Variants in ANO2 observed in about 807,000 individuals in gnomAD.
ANO2 encodes anoctamin 2, also known as anoctamin-2.
A neutral mutation model predicts 124.2 loss-of-function variants in ANO2; 101 were observed. The ratio of observed to expected loss-of-function variants is 0.81; its 90% CI spans 0.69 to 0.96. ANO2 has a LOEUF of 0.96. Ranked by LOEUF, ANO2 falls within the 40% of genes least tolerant of loss-of-function variation. The pLI is 0.00. For synonymous variants in ANO2, 486 were observed against 482.5 expected (o/e 1.01, Z -0.09); for missense variants, 1,293 against 1,274.5 (o/e 1.01, Z -0.22).
chr12:5,567,214 C>T (rs956653372), intron 23 of ANO2, among the ~76,000 whole-genome samples: 14 of 152,158 alleles, frequency 9.2e-5, no homozygotes, highest in Non-Finnish European at 1.5e-4. Flanking sequence ...GGTTTGACAT[C>T]CGGATGAAAA....
At chr12:5,785,347 T>C (rs917837490) in intron 10 of ANO2, among the ~76,000 whole-genome samples, 1 of 151,956 alleles carries the variant, frequency 6.6e-6, no homozygotes, top group Non-Finnish European at 1.5e-5. Flanking sequence ...TTCAGGGGGA[T>C]ACTGGGGGAC....
At chr12:5,649,790 A>ATGTGTG (rs5796179) in intron 14 of ANO2, among the ~76,000 whole-genome samples, 19 of 149,472 alleles carry the variant, frequency 1.3e-4, no homozygotes, top group African/African-American at 4.7e-4. Context: ...GCATGTGTGC[A>ATGTGTG]TGTGTGTGTG....
At chr12:5,939,304 C>T (rs976641543) in intron 1 of ANO2, among the ~76,000 whole-genome samples, 1 of 150,910 alleles carries the variant, frequency 6.6e-6, no homozygotes, top group African/African-American at 2.4e-5. Flanking sequence ...CCACAAAGCA[C>T]AGAAGAGATG....
intron 14 of ANO2, among the ~76,000 whole-genome samples, chr12:5,679,332 T>C (rs1019368652): frequency 7.2e-5 from 11 of 152,160 alleles, no homozygotes; most frequent in Admixed American, 2.0e-4. Context: ...AAAGAAACTA[T>C]CATCAGAGTG....
At chr12:5,583,907 C>A in intron 20 of ANO2, 1 of 217,010 alleles carries the variant, frequency 4.6e-6, no homozygotes, top group Non-Finnish European at 1.0e-5. Context: ...TGGTCAACCT[C>A]ACCACCACAG....
chr12:5,729,608 A>G lies in ANO2; in HGVS notation c.1545+2912T>C, dbSNP rs746757648. Reference sequence around the variant, plus strand: ...TGGAAAAATAGCATGGCAGTTCTTTAAAATGTTAAACATAGAGTTACCATA... The same window carrying G: ...TGGAAAAATAGCATGGCAGTTCTTTGAAATGTTAAACATAGAGTTACCATA... On this transcript the variant is annotated intron_variant, in intron 14 of 24. Coordinates refer to ENST00000682330, the MANE Select transcript of ANO2 (RefSeq NM_001364791.2). Among the ~76,000 whole-genome samples, 84 of 152,296 alleles carry G rather than the reference A, an allele frequency of 5.5e-4. No homozygotes were observed. The Middle Eastern group carries it at 0.02, about 37-fold the overall frequency.
upstream of ANO2, chr12:5,946,198 C>G (rs1943092394): frequency 6.2e-7 from 1 of 1,612,742 alleles, no homozygotes; most frequent in South Asian, 1.1e-5. This position sits in a 1 kb window ranked among gnomAD's most constrained non-coding sequence, Gnocchi z 4.1. Flanking sequence ...GTAGGCTGGT[C>G]ATGATAGATC....
rs112627392 is a variant in ANO2, at chr12:5,903,139, T to C, written c.534+17901A>G. Among the ~76,000 whole-genome samples the C allele has an allele frequency of 3.8e-3, 572 of 151,878 alleles. 4 individuals are homozygous for C. The highest frequency in any genetic ancestry group is 0.013 in the African/African-American group (543 of 41,408). ...CACAGCACCGGACAATTGCGCAGTGTTGAAGTCTCATGCTGGTCTGTAAAG... is the reference window on the plus strand; with the variant it reads ...CACAGCACCGGACAATTGCGCAGTGCTGAAGTCTCATGCTGGTCTGTAAAG... On this transcript the variant is annotated intron_variant, in intron 3 of 24. Transcript: ENST00000682330.
intron 3 of ANO2, among the ~76,000 whole-genome samples, chr12:5,917,215 G>A (rs1032669005): frequency 6.6e-6 from 1 of 152,188 alleles, no homozygotes; most frequent in Admixed American, 6.5e-5. Context: ...AAACCAGAAT[G>A]AAGCATGGTG....
Position 5,791,296 on chromosome 12 carries a change from G to GA in ANO2, c.1055+8210dup, listed in dbSNP as rs917731329. On this transcript the variant is annotated intron_variant, in intron 10 of 24. Coordinates refer to ENST00000682330, the MANE Select transcript of ANO2 (RefSeq NM_001364791.2). Reference sequence around the variant, plus strand: ...CAATCTGACAACATGGAAGGACTCAGAAAAAAAAAAGATCATAAAAAATAG... The same window carrying GA: ...CAATCTGACAACATGGAAGGACTCAGAAAAAAAAAAAGATCATAAAAAATAG... Among the ~76,000 whole-genome samples the GA allele has an allele frequency of 9.1e-4, 134 of 146,864 alleles. 1 individual carries two copies. Among genetic ancestry groups the GA allele is most frequent in the African/African-American group, 2.6e-3 (102 of 39,986 alleles).
intron 14 of ANO2, among the ~76,000 whole-genome samples, chr12:5,665,816 C>T (rs1187198717): frequency 2.6e-5 from 4 of 151,736 alleles, no homozygotes; most frequent in Admixed American, 2.6e-4. Flanking sequence ...TCCACAGCCT[C>T]AGCTGATCCA....
chr12:5,674,240 C>A (rs1948134172), intron 14 of ANO2, among the ~76,000 whole-genome samples: 1 of 152,082 alleles, frequency 6.6e-6, no homozygotes. Flanking sequence ...AGCTAATGGG[C>A]AAAGGAAAGA....
At chr12:5,677,747 AG>A in intron 14 of ANO2, among the ~76,000 whole-genome samples, 1 of 152,186 alleles carries the variant, frequency 6.6e-6, no homozygotes, top group East Asian at 1.9e-4. Flanking sequence ...ACCTTTCAAA[AG>A]GTGCTTCATT....
rs150528065 is a variant in ANO2 at position 5,766,175 on chromosome 12, G to A, written c.1056-15205C>T. ...CTGCTAGAGCTGAGCATAGGTATCC[G>A]GTATGACCCAGCAACTCTACTCCCA... On this transcript the variant is annotated intron_variant, in intron 10 of 24. Coordinates refer to ENST00000682330, the MANE Select transcript of ANO2 (RefSeq NM_001364791.2). Among the ~76,000 whole-genome samples the A allele has an allele frequency of 1.6e-3, 244 of 152,228 alleles. 5 individuals are homozygous for A. In the East Asian group the frequency reaches 0.043, roughly 27 times the overall value.
At chr12:5,610,841 CACACACACACACACACACAA>C (rs1368059240) in intron 19 of ANO2, among the ~76,000 whole-genome samples, 7 of 144,614 alleles carry the variant, frequency 4.8e-5, no homozygotes, top group Non-Finnish European at 1.1e-4. Context: ...CACACACACA[CACACACACACACACACACAA>C]CCCTAAGGGA....
At chr12:5,801,704 C>T (rs898790887) in intron 9 of ANO2, among the ~76,000 whole-genome samples, 1 of 152,242 alleles carries the variant, frequency 6.6e-6, no homozygotes, top group Non-Finnish European at 1.5e-5. Context: ...TACCACCACT[C>T]GCAATGGAGG....
chr12:5,926,414 T>G (rs1489391117), intron 1 of ANO2, among the ~76,000 whole-genome samples: 1 of 152,164 alleles, frequency 6.6e-6, no homozygotes, highest in Non-Finnish European at 1.5e-5. Context: ...CACAAACTTA[T>G]GGGGCTCCCA....
Position 5,744,318 on chromosome 12 carries a change from C to T in ANO2, c.1191-1G>A. 1.9e-6 allele frequency: 3 copies of T among 1,613,896 alleles called. No homozygotes were observed. Among genetic ancestry groups the T allele is most frequent in the Non-Finnish European group, 2.5e-6 (3 of 1,179,836 alleles). ...ATTCTGCTGGTCACACATCTCTCTG[C>T]TGCAATAGATGGAGGTTGTTGGGTC... On this transcript the variant is annotated splice_acceptor_variant, in intron 11 of 24. Coordinates refer to ENST00000682330, the MANE Select transcript of ANO2 (RefSeq NM_001364791.2). LOFTEE classifies it high-confidence loss of function.
At position 5,563,370 on chromosome 12, in the gene ANO2, T is replaced by C. The variant is rs778325216; in HGVS notation, c.2926A>G (p.Ser976Gly). The part of the protein sequence containing the change: ...GGDRSRSRAA[S>G]SAPSGQSQLG... ...TGGCTTTGGCCTGAAGGTGCTGAGC[T>C]GGCTGCCCGGCTCCTGCTTCGATCC... is the stretch of plus-strand genomic sequence containing the variant. The change falls in exon 25 of 25, where the codon AGC (serine) becomes GGC (glycine). Residue 976 changes from serine (S) to glycine (G), a missense_variant. Coordinates refer to ENST00000682330, the MANE Select transcript of ANO2 (RefSeq NM_001364791.2). 8 of 1,605,178 alleles carry C rather than the reference T, an allele frequency of 5.0e-6. No individual in the cohort carries two copies. In the African/African-American group the frequency reaches 1.1e-4, roughly 21 times the overall value.
Sources: gnomAD v4.1 joint callset for allele counts (sites outside exome capture counted in the v4.1 genomes callset) on GRCh38, gnomAD v4.1.1 for gene constraint, Gnocchi (gnomAD v3.1) non-coding constraint, MANE v1.5 for transcripts, NCBI Gene and HGNC (gene_info 2026-07-23, HGNC 2026-07-21) for gene names.